Variants in CEP89 observed in about 807,000 individuals in gnomAD.
CEP89 encodes the protein centrosomal protein of 89 kDa.
In CEP89, 95 loss-of-function variants were observed where a neutral mutation model predicts 97.6. The ratio of observed to expected loss-of-function variants is 0.97; its 90% CI spans 0.82 to 1.15. CEP89 has a LOEUF of 1.15. CEP89 is among the 50% of genes most tolerant of loss of function. CEP89 has a pLI of 0.00. For missense variants in CEP89, 869 were observed against 947.7 expected (o/e 0.92, Z 1.09); for synonymous variants, 354 against 349.1 (o/e 1.01, Z -0.16).
In CEP89 at chr19:32,922,890, T is replaced by G. The variant is rs552345555; in HGVS notation, c.1268+549A>C. On this transcript the variant is annotated intron_variant, in intron 12 of 18. Coordinates refer to ENST00000305768, the MANE Select transcript of CEP89 (RefSeq NM_032816.5). ...AGAAACAGAGACAAGGGAGCAATAA[T>G]GGCCTCTCCTGAAGGCAGTGCTATA... is the stretch of plus-strand genomic sequence containing the variant. Among the ~76,000 whole-genome samples the G allele has an allele frequency of 2.6e-5, 4 of 151,036 alleles. No individual in the cohort carries two copies. The South Asian group carries it at 8.4e-4, about 32-fold the overall frequency.
Position 32,879,332 on chromosome 19 carries a change from C to T in CEP89, c.2182G>A (p.Glu728Lys), listed in dbSNP as rs1195018533. ...LEVIWESTFR[E>K]NRRIRELLQD... Reference sequence around the variant, plus strand: ...AGAAGTTCTCGGATTCTTCGGTTTTCCCTGAAGGTAGATTCCCAAATAACT... The same window carrying T: ...AGAAGTTCTCGGATTCTTCGGTTTTTCCTGAAGGTAGATTCCCAAATAACT... The change falls in exon 19 of 19, where the codon GAA becomes AAA. Residue 728 changes from glutamate (E) to lysine (K), a missense_variant. Coordinates refer to ENST00000305768, the MANE Select transcript of CEP89 (RefSeq NM_032816.5). 3 of 1,614,124 alleles carry T rather than the reference C, an allele frequency of 1.9e-6. No homozygotes were observed. Among genetic ancestry groups the T allele is most frequent in the Non-Finnish European group, 2.5e-6 (3 of 1,180,060 alleles).
chr19:32,884,680 A>C (rs1485243833), intron 17 of CEP89, among the ~76,000 whole-genome samples: 3 of 152,148 alleles, frequency 2.0e-5, no homozygotes, highest in African/African-American at 7.2e-5. Flanking sequence ...CCTGGGCTCA[A>C]GATCCTCCTG....
chr19:32,968,377 T>C (rs905457013), intron 1 of CEP89, among the ~76,000 whole-genome samples: 3 of 152,210 alleles, frequency 2.0e-5, no homozygotes, highest in African/African-American at 7.2e-5. Flanking sequence ...GCCTCCCAAG[T>C]AGCTAGGACC....
At chr19:32,924,507 T>C (rs922661922) in intron 11 of CEP89, among the ~76,000 whole-genome samples, 2 of 152,212 alleles carry the variant, frequency 1.3e-5, no homozygotes, top group Admixed American at 6.5e-5. Flanking sequence ...TTCCGTGTCC[T>C]GCGCTGTCCT....
intron 5 of CEP89, among the ~76,000 whole-genome samples, chr19:32,943,909 G>A (rs552924613): frequency 6.6e-6 from 1 of 152,050 alleles, no homozygotes; most frequent in South Asian, 2.1e-4. Flanking sequence ...CGTGCAAGGG[G>A]ACACTACCAG....
At chr19:32,923,294 T>C in intron 12 of CEP89, 145 bp downstream of exon 12, 1 of 491,686 alleles carries the variant, frequency 2.0e-6, no homozygotes, top group Non-Finnish European at 3.6e-6. Context: ...ATTAGGGTTT[T>C]ATTGTACCTT....
At position 32,911,862 on chromosome 19, in the gene CEP89, G is replaced by A. The variant is rs113754924; in HGVS notation, c.1565+3475C>T. Reference sequence around the variant, plus strand: ...ATAGGTATTCAGTCAACCATTTTGAGCTGAAAGGCTCACCGTTTAAAACAT... The same window carrying A: ...ATAGGTATTCAGTCAACCATTTTGAACTGAAAGGCTCACCGTTTAAAACAT... On this transcript the variant is annotated intron_variant, in intron 14 of 18. Coordinates refer to ENST00000305768, the MANE Select transcript of CEP89 (RefSeq NM_032816.5). 6.9e-3 allele frequency among the ~76,000 whole-genome samples: 1,048 copies of A among 152,262 alleles called. 17 individuals carry two copies. Among genetic ancestry groups the A allele is most frequent in the African/African-American group, 0.023 (972 of 41,542 alleles).
intron 3 of CEP89, 40 bp downstream of exon 3, chr19:32,959,860 C>G: frequency 6.2e-7 from 1 of 1,610,274 alleles, no homozygotes; most frequent in Middle Eastern, 1.7e-4. Context: ...TGCCCCTCTT[C>G]CACTCTCAGA....
chr19:32,909,963 C>A (rs1027205939), intron 14 of CEP89, among the ~76,000 whole-genome samples: 1 of 152,114 alleles, frequency 6.6e-6, no homozygotes, highest in Admixed American at 6.6e-5. Flanking sequence ...ACCAGTCAAC[C>A]TAGATTGATG....
In CEP89 at chr19:32,901,421, C is replaced by A; in HGVS notation, c.1566-9G>T. The stretch of plus-strand genomic sequence containing the variant: ...CTTCCTTCTGTAATTGGCTGAAGGA[C>A]AAAAACATTACATGCTCGTATCCAG... On this transcript the variant is annotated splice_polypyrimidine_tract_variant and intron_variant, in intron 14 of 18. Transcript: ENST00000305768. 3 of 1,608,930 alleles carry A rather than the reference C, an allele frequency of 1.9e-6. No homozygotes were observed. Among genetic ancestry groups the A allele is most frequent in the Non-Finnish European group, 2.5e-6 (3 of 1,178,574 alleles).
chr19:32,893,349 T>C lies in CEP89; in HGVS notation c.1876-5508A>G, dbSNP rs150799988. ...TAAGAGGACATATACTCTAAACATA[T>C]ATGCACCCAACACCACAGCATCCAG... is the stretch of plus-strand genomic sequence containing the variant. On this transcript the variant is annotated intron_variant, in intron 16 of 18. Transcript: ENST00000305768. Among the ~76,000 whole-genome samples, 159 of 152,280 alleles carry C rather than the reference T, an allele frequency of 1.0e-3. 1 individual carries two copies. Among genetic ancestry groups the C allele is most frequent in the African/African-American group, 3.6e-3 (151 of 41,554 alleles).
At chr19:32,914,825 C>T (rs1599735228) in intron 14 of CEP89, among the ~76,000 whole-genome samples, 1 of 152,064 alleles carries the variant, frequency 6.6e-6, no homozygotes, top group Middle Eastern at 3.4e-3. Flanking sequence ...AGTTTGAGAC[C>T]AGCCTGGTCA....
chr19:32,879,475 C>A, intron 18 of CEP89, 97 bp from the exon 19 acceptor site: 1 of 971,962 alleles, frequency 1.0e-6, no homozygotes, highest in Non-Finnish European at 1.6e-6. Context: ...AGAACGCTAT[C>A]AGCAGGGAAC....
At chr19:32,955,154 TTTTG>T (rs1784202107) in intron 3 of CEP89, among the ~76,000 whole-genome samples, 4 of 151,264 alleles carry the variant, frequency 2.6e-5, no homozygotes, top group Admixed American at 1.3e-4. Context: ...CCAGCTAATT[TTTTG>T]TTTGTTTGTT....
rs1484114278 is a variant in CEP89 at position 32,971,889 on chromosome 19, G to A, written c.-15C>T. On this transcript the variant is annotated 5_prime_UTR_variant, in exon 1 of 19. Transcript: ENST00000305768. Reference sequence around the variant, plus strand: ...CCCAGGAGCATCCTTGCAGCGCGAGGAGAATGGACCGGGGCCTGGACTCAT... The same window carrying A: ...CCCAGGAGCATCCTTGCAGCGCGAGAAGAATGGACCGGGGCCTGGACTCAT... The A allele has an allele frequency of 1.3e-6, 2 of 1,584,142 alleles. No individual in the cohort carries two copies. Among genetic ancestry groups the A allele is most frequent in the South Asian group, 2.3e-5 (2 of 87,340 alleles).
intron 4 of CEP89, among the ~76,000 whole-genome samples, chr19:32,950,727 G>A (rs1046785596): frequency 1.3e-5 from 2 of 152,062 alleles, no homozygotes; most frequent in South Asian, 2.1e-4. Flanking sequence ...GGGACACATC[G>A]CCAAATGTTC....
At chr19:32,921,094 C>T (rs368381945) in intron 12 of CEP89, among the ~76,000 whole-genome samples, 13 of 151,494 alleles carry the variant, frequency 8.6e-5, no homozygotes, top group Admixed American at 2.6e-4. Flanking sequence ...TGGTGGTGGG[C>T]GCCTGTAATC....
chr19:32,962,179 T>G (rs1971183468), intron 2 of CEP89, among the ~76,000 whole-genome samples: 2 of 151,942 alleles, frequency 1.3e-5, no homozygotes, highest in Non-Finnish European at 2.9e-5. Flanking sequence ...ATTATGGGGG[T>G]GGTTTCCCCC....
At position 32,887,854 on chromosome 19, in the gene CEP89, G is replaced by C; in HGVS notation, c.1876-13C>G. The C allele has an allele frequency of 6.9e-7, 1 of 1,438,904 alleles. No homozygotes were observed. Among genetic ancestry groups the C allele is most frequent in the Non-Finnish European group, 9.7e-7 (1 of 1,026,318 alleles). The allele number at this position is 1,438,904 out of a possible 1,614,324, so 89.1% of individuals were successfully genotyped here. On this transcript the variant is annotated splice_polypyrimidine_tract_variant and intron_variant, in intron 16 of 18. Transcript: ENST00000305768. ...CTAAACATTTTGCCTAGGGAGAAGG[G>C]TGATAAATGGGCTCTCAGTTTTACA...
Sources: allele counts gnomAD v4.1 joint callset (sites outside exome capture counted in the v4.1 genomes callset), GRCh38; gene constraint gnomAD v4.1.1; transcripts MANE v1.5; gene names NCBI Gene and HGNC (gene_info 2026-07-23, HGNC 2026-07-21).